The following HSD17B2 variants were observed in gnomAD, a reference collection of about 807,000 sequenced individuals.
The protein encoded by HSD17B2 is hydroxysteroid 17-beta dehydrogenase 2, also known as 17-beta-hydroxysteroid dehydrogenase type 2.
In HSD17B2, 32 loss-of-function variants were observed where a neutral mutation model predicts 26.9. The ratio of observed to expected loss-of-function variants is 1.19; its 90% CI spans 0.90 to 1.60. HSD17B2 has a LOEUF of 1.60. Among genes scored for constraint, HSD17B2 ranks in the 40% most tolerant of loss-of-function variants. The pLI, the probability that HSD17B2 is intolerant of heterozygous loss-of-function variation, is 0.00. For synonymous variants in HSD17B2, 246 were observed against 186.7 expected, an observed-to-expected ratio of 1.32 and a Z score of -2.59; for missense variants, 613 against 468.6, an observed-to-expected ratio of 1.31 and a Z score of -2.85.
At chr16:82,051,160 A>G (rs1914094752) in intron 1 of HSD17B2, among the ~76,000 whole-genome samples, 1 of 152,226 alleles carries the variant, frequency 6.6e-6, no homozygotes, top group Non-Finnish European at 1.5e-5. Flanking sequence ...TTTATCTAGT[A>G]AATATCTGTG....
At chr16:82,071,187 A>C (rs766522016) in intron 3 of HSD17B2, 60 bp downstream of exon 3, 1 of 1,533,408 alleles carries the variant, frequency 6.5e-7, no homozygotes, top group South Asian at 1.1e-5. Flanking sequence ...GGCTCATGGC[A>C]TTCTATGTGG....
chr16:82,093,141 T>C (rs186150975), intron 4 of HSD17B2: 31 of 152,244 alleles, frequency 2.0e-4, no homozygotes, highest in African/African-American at 7.0e-4. Context: ...TTATTATAAA[T>C]CCTCTTGTAC....
chr16:82,063,594 A>T (rs577380310), intron 1 of HSD17B2, among the ~76,000 whole-genome samples: 40 of 152,326 alleles, frequency 2.6e-4, no homozygotes, highest in African/African-American at 9.1e-4. Flanking sequence ...ATTCAAAAGG[A>T]TTATTGCAGT....
At chr16:82,093,598 A>G (rs1463104545) in intron 4 of HSD17B2, 1 of 152,168 alleles carries the variant, frequency 6.6e-6, no homozygotes, top group Admixed American at 6.5e-5. Context: ...GAATTTTCCC[A>G]TGACACATGC....
chr16:82,056,458 A>C (rs1027874559), intron 1 of HSD17B2: 1 of 152,234 alleles, frequency 6.6e-6, no homozygotes, highest in Non-Finnish European at 1.5e-5. Context: ...TGAACAAAAG[A>C]AGCCAGCCAC....
chr16:82,045,635 A>G (rs1913903410), intron 1 of HSD17B2, among the ~76,000 whole-genome samples: 1 of 152,220 alleles, frequency 6.6e-6, no homozygotes, highest in Non-Finnish European at 1.5e-5. Context: ...TCAGCCTCAT[A>G]CAATAGTGCC....
At chr16:82,090,076 C>A in intron 3 of HSD17B2, 2 of 211,864 alleles carry the variant, frequency 9.4e-6, no homozygotes, top group Non-Finnish European at 8.2e-6. Flanking sequence ...TCCTTTCTCA[C>A]ATCCTCTTAA....
At chr16:82,090,095 C>T (rs1904640067) in intron 3 of HSD17B2, 3 of 285,664 alleles carry the variant, frequency 1.1e-5, no homozygotes, top group Non-Finnish European at 1.6e-5. Context: ...AAAGAGATGC[C>T]CCACCATTTC....
chr16:82,052,145 T>C (rs1363954964), intron 1 of HSD17B2: 3 of 152,246 alleles, frequency 2.0e-5, no homozygotes, highest in Non-Finnish European at 1.5e-5. Flanking sequence ...CTGAGACTAT[T>C]CTTATACGGG....
chr16:82,098,491 A>T lies in HSD17B2; in HGVS notation c.*55A>T. The stretch of plus-strand genomic sequence containing the variant: ...GTCATAGTCTTGAAATGAAAGGGAA[A>T]CTGGGAAACTGGGTTTCTCATTAAA... On this transcript the variant is annotated 3_prime_UTR_variant, in exon 5 of 5. Transcript: ENST00000199936. 2 of 1,509,856 alleles carry T rather than the reference A, an allele frequency of 1.3e-6. No individual in the cohort carries two copies. Among genetic ancestry groups the T allele is most frequent in the Non-Finnish European group, 1.8e-6 (2 of 1,132,260 alleles). 93.5% of individuals were successfully genotyped at this position (1,509,856 alleles called of 1,614,324 possible).
intron 1 of HSD17B2, among the ~76,000 whole-genome samples, chr16:82,041,227 G>A (rs1319179931): frequency 1.3e-5 from 2 of 152,158 alleles, no homozygotes; most frequent in Admixed American, 1.3e-4. Flanking sequence ...CTCTCAGCAC[G>A]TTAGGCCTAA....
chr16:82,038,401 G>C (rs1471218907), intron 1 of HSD17B2, among the ~76,000 whole-genome samples: 1 of 152,068 alleles, frequency 6.6e-6, no homozygotes, highest in Non-Finnish European at 1.5e-5. Flanking sequence ...CCAGGCTGGA[G>C]TGCAGTGGCA....
At chr16:82,053,330 C>A (rs1029111236) in intron 1 of HSD17B2, among the ~76,000 whole-genome samples, 3 of 151,966 alleles carry the variant, frequency 2.0e-5, no homozygotes, top group African/African-American at 7.3e-5. Flanking sequence ...GGCACACATC[C>A]CAAGCAAACT....
rs562666235 is a variant in HSD17B2, at chr16:82,071,143, C to T, written c.664+16C>T. ...AGCATGGGAGGTGAGTCAGCATTTTCACACATGGTCATGGGGTGCCCATCA... is the reference window on the plus strand; with the variant it reads ...AGCATGGGAGGTGAGTCAGCATTTTTACACATGGTCATGGGGTGCCCATCA... On this transcript the variant is annotated intron_variant, in intron 3 of 4. Coordinates refer to ENST00000199936, the MANE Select transcript of HSD17B2 (RefSeq NM_002153.3). 1.2e-6 allele frequency: 2 copies of T among 1,612,594 alleles called. No individual in the cohort carries two copies. The highest frequency in any genetic ancestry group is 2.2e-5 in the East Asian group (1 of 44,880).
At chr16:82,065,893 G>C (rs1597129956) in intron 1 of HSD17B2, among the ~76,000 whole-genome samples, 1 of 152,194 alleles carries the variant, frequency 6.6e-6, no homozygotes, top group Admixed American at 6.5e-5. Flanking sequence ...TTCTACTGTA[G>C]ACATTTGGGG....
At chr16:82,083,278 C>T (rs1012434165) in intron 3 of HSD17B2, among the ~76,000 whole-genome samples, 1 of 152,114 alleles carries the variant, frequency 6.6e-6, no homozygotes, top group Non-Finnish European at 1.5e-5. Flanking sequence ...GTCCTTCCCT[C>T]CTACATCTTC....
At chr16:82,097,462 C>T (rs1411621153) in intron 4 of HSD17B2, 1 of 151,906 alleles carries the variant, frequency 6.6e-6, no homozygotes, top group Non-Finnish European at 1.5e-5. Flanking sequence ...AGCGATTCCC[C>T]TTCCTGGGCC....
intron 3 of HSD17B2, 86 bp from the exon 4 acceptor site, chr16:82,090,816 C>T (rs1597139815): frequency 8.5e-6 from 11 of 1,296,768 alleles, no homozygotes; most frequent in Non-Finnish European, 1.2e-5. Context: ...CCAGTTCCTA[C>T]ATACAGTAGA....
At chr16:82,080,501 C>A (rs1381436356) in intron 3 of HSD17B2, among the ~76,000 whole-genome samples, 1 of 152,144 alleles carries the variant, frequency 6.6e-6, no homozygotes, top group Non-Finnish European at 1.5e-5. Flanking sequence ...CTGGAAAAGT[C>A]AAGGGAACTA....
Sources: allele counts gnomAD v4.1 joint callset (sites outside exome capture counted in the v4.1 genomes callset), GRCh38; gene constraint gnomAD v4.1.1; transcripts MANE v1.5; gene names NCBI Gene and HGNC (gene_info 2026-07-23, HGNC 2026-07-21).